The following UBASH3B variants were observed in gnomAD, a reference collection of about 807,000 sequenced individuals.
UBASH3B encodes ubiquitin-associated and SH3 domain-containing protein B.
Under a neutral mutation model 83.4 loss-of-function variants are expected in UBASH3B, and 37 were observed. The ratio of observed to expected loss-of-function variants is 0.44; its 90% CI spans 0.34 to 0.58. The LOEUF is 0.58. UBASH3B is among the 20% of genes least tolerant of loss of function. The pLI is 0.01. For synonymous variants in UBASH3B, 304 were observed against 318.3 expected, an observed-to-expected ratio of 0.96 and a Z score of 0.48; for missense variants, 657 against 827.2, an observed-to-expected ratio of 0.79 and a Z score of 2.52.
chr11:122,662,700 G>A (rs1257028352), intron 1 of UBASH3B, among the ~76,000 whole-genome samples: 1 of 152,064 alleles, frequency 6.6e-6, no homozygotes, highest in Non-Finnish European at 1.5e-5. Context: ...CAAAGTGCTG[G>A]GATTACAGGC....
intron 1 of UBASH3B, among the ~76,000 whole-genome samples, chr11:122,741,725 C>T (rs1372340378): frequency 1.3e-5 from 2 of 152,244 alleles, no homozygotes; most frequent in African/African-American, 4.8e-5. Flanking sequence ...ACAGCCAGGC[C>T]CCAGAAACGT....
intron 1 of UBASH3B, among the ~76,000 whole-genome samples, chr11:122,682,524 A>G (rs1863755493): frequency 6.6e-6 from 1 of 152,162 alleles, no homozygotes; most frequent in Admixed American, 6.5e-5. Context: ...TCCCTGTAAA[A>G]AGTTGAGAAA....
chr11:122,742,880 A>G (rs1262396899), intron 1 of UBASH3B, among the ~76,000 whole-genome samples: 1 of 152,140 alleles, frequency 6.6e-6, no homozygotes, highest in Non-Finnish European at 1.5e-5. Flanking sequence ...CAGCAATTCA[A>G]TTATGTAAAT....
rs1283881856 is a variant in UBASH3B at position 122,655,958 on chromosome 11, C to T, written c.-92C>T. The stretch of plus-strand genomic sequence containing the variant: ...CGCCTCCTGCCTGGCTCTGGGTCCC[C>T]GAGCCCCCTCCCCTGGCCCAGCCCG... On this transcript the variant is annotated 5_prime_UTR_variant, in exon 1 of 14. Coordinates refer to ENST00000284273, the MANE Select transcript of UBASH3B (RefSeq NM_032873.5). The T allele has an allele frequency of 1.6e-6, 2 of 1,269,856 alleles. No individual in the cohort carries two copies. The highest frequency in any genetic ancestry group is 1.0e-6 in the Non-Finnish European group (1 of 977,074). 78.7% of individuals were successfully genotyped at this position (1,269,856 alleles called of 1,614,324 possible).
At chr11:122,684,642 C>T (rs1863785977) in intron 1 of UBASH3B, among the ~76,000 whole-genome samples, 1 of 152,158 alleles carries the variant, frequency 6.6e-6, no homozygotes, top group African/African-American at 2.4e-5. Flanking sequence ...GAGTTTCGCT[C>T]TTGTTGCCCA....
intron 1 of UBASH3B, among the ~76,000 whole-genome samples, chr11:122,705,910 C>G (rs1215290410): frequency 1.3e-5 from 2 of 152,070 alleles, no homozygotes; most frequent in African/African-American, 4.8e-5. Context: ...AGGCGTTGAC[C>G]AGGCTGGACT....
At chr11:122,706,114 T>A (rs1233103553) in intron 1 of UBASH3B, among the ~76,000 whole-genome samples, 1 of 136,808 alleles carries the variant, frequency 7.3e-6, no homozygotes, top group Admixed American at 8.0e-5. Context: ...TTCTTTTTTT[T>A]TTTTTCTTTT....
chr11:122,763,594 C>G (rs998047409), intron 1 of UBASH3B, among the ~76,000 whole-genome samples: 9 of 152,114 alleles, frequency 5.9e-5, no homozygotes, highest in African/African-American at 2.2e-4. Context: ...CTTTTTCTCC[C>G]CATTGGCTGG....
chr11:122,808,754 G>A (rs976153544), intron 13 of UBASH3B, among the ~76,000 whole-genome samples: 9 of 152,224 alleles, frequency 5.9e-5, no homozygotes, highest in Non-Finnish European at 8.8e-5. Context: ...TTTCTCTGCC[G>A]CCAGAGAACC....
At position 122,777,159 on chromosome 11, in the gene UBASH3B, G is replaced by C. The variant is rs745777020; in HGVS notation, c.351G>C (p.Lys117Asn). The stretch of plus-strand genomic sequence containing the variant: ...AGCAGTCGAAGCAGATCTGCGGGAA[G>C]AACAAGGCACACAACATCTTCCCCC... ...FWQQSKQICG[K>N]NKAHNIFPHI... The change falls in exon 3 of 14, where the codon AAG becomes AAC. Residue 117 changes from lysine (K) to asparagine (N), a missense_variant. Lys to Asn is a moderately conservative substitution (Grantham distance 94). Around this residue, in one of 3 missense-constraint regions of UBASH3B, gnomAD observed 573 missense variants for 739.0 expected, o/e 0.78. Transcript: ENST00000284273. The C allele has an allele frequency of 3.7e-6, 6 of 1,613,908 alleles. No homozygotes were observed. The highest frequency in any genetic ancestry group is 2.5e-6 in the Non-Finnish European group (3 of 1,179,978).
chr11:122,756,768 T>G (rs537020905), intron 1 of UBASH3B, among the ~76,000 whole-genome samples: 3 of 152,244 alleles, frequency 2.0e-5, no homozygotes, highest in Non-Finnish European at 4.4e-5. Flanking sequence ...CTGCTCCCTA[T>G]GAAGGGGGTC....
At chr11:122,789,069 G>A (rs773527670) in intron 5 of UBASH3B, 31 bp from the exon 6 acceptor site, 6 of 1,582,136 alleles carry the variant, frequency 3.8e-6, no homozygotes, top group African/African-American at 1.3e-5. Context: ...GGTGAGGCAT[G>A]GGGCTCACTC....
chr11:122,763,913 G>C (rs1419889104), intron 1 of UBASH3B, among the ~76,000 whole-genome samples: 2 of 152,202 alleles, frequency 1.3e-5, no homozygotes, highest in African/African-American at 4.8e-5. Flanking sequence ...AGATGAGATT[G>C]TTCAGCTGAA....
chr11:122,725,428 G>A (rs1320717605), intron 1 of UBASH3B, among the ~76,000 whole-genome samples: 3 of 151,938 alleles, frequency 2.0e-5, no homozygotes, highest in Non-Finnish European at 2.9e-5. Context: ...TTCAGAGAGG[G>A]CCCAACCTTA....
At chr11:122,730,004 A>T (rs924559096) in intron 1 of UBASH3B, among the ~76,000 whole-genome samples, 1 of 134,428 alleles carries the variant, frequency 7.4e-6, no homozygotes, top group Non-Finnish European at 1.6e-5. Flanking sequence ...AAAAAAAAAA[A>T]GGCCAGGTGC....
intron 1 of UBASH3B, among the ~76,000 whole-genome samples, chr11:122,697,079 G>C (rs764033440): frequency 6.6e-6 from 1 of 152,164 alleles, no homozygotes; most frequent in Non-Finnish European, 1.5e-5. Context: ...CTACATAGCA[G>C]CCATTTGATT....
intron 5 of UBASH3B, among the ~76,000 whole-genome samples, chr11:122,785,173 C>G (rs2135154495): frequency 6.6e-6 from 1 of 152,342 alleles, no homozygotes; most frequent in South Asian, 2.1e-4. Context: ...AAAAAGGCAG[C>G]AAGCGCCCAC....
intron 1 of UBASH3B, among the ~76,000 whole-genome samples, chr11:122,744,367 G>A (rs1010635337): frequency 2.0e-5 from 3 of 152,256 alleles, no homozygotes; most frequent in Middle Eastern, 3.4e-3. Flanking sequence ...GTGGGTGAGC[G>A]TGTGACTGTG....
At chr11:122,688,668 G>T (rs1322432213) in intron 1 of UBASH3B, among the ~76,000 whole-genome samples, 2 of 134,048 alleles carry the variant, frequency 1.5e-5, no homozygotes, top group Non-Finnish European at 3.1e-5. Context: ...TTTTTGAGAC[G>T]GAGGCTTGCT....
Sources: gnomAD v4.1 joint callset for allele counts (sites outside exome capture counted in the v4.1 genomes callset) on GRCh38, gnomAD v4.1.1 for gene constraint, gnomAD v4.1.1 regional missense constraint, MANE v1.5 for transcripts, NCBI Gene and HGNC (gene_info 2026-07-23, HGNC 2026-07-21) for gene names.